Variants in DOCK3 observed in about 807,000 individuals in gnomAD.
DOCK3 encodes the protein dedicator of cytokinesis 3.
DOCK3 carries 60 observed loss-of-function variants against 265.6 expected under a neutral mutation model. That is an observed-to-expected ratio of 0.23 (90% CI 0.18 to 0.28). DOCK3 has a LOEUF of 0.28. Among genes scored for constraint, DOCK3 ranks in the 10% least tolerant of loss-of-function variants. The probability of loss-of-function intolerance (pLI) is 1.00; values close to 1 mark genes in which losing one functional copy is unlikely to be tolerated. For synonymous variants in DOCK3, 881 were observed against 938.0 expected (o/e 0.94, Z 1.11); for missense variants, 1,981 against 2,594.3 (o/e 0.76, Z 5.14).
intron 1 of DOCK3, among the ~76,000 whole-genome samples, chr3:50,748,484 G>C (rs952980809): frequency 6.6e-6 from 1 of 152,174 alleles, no homozygotes; most frequent in East Asian, 1.9e-4. Flanking sequence ...GTCACAGCTG[G>C]GGAAGGAATG....
Position 51,333,026 on chromosome 3 carries a change from A to AGGTAAGACTGCAGTGT in DOCK3, c.3515+6_3515+21dup. The AGGTAAGACTGCAGTGT allele has an allele frequency of 6.2e-7, 1 of 1,613,978 alleles. No individual in the cohort carries two copies. The highest frequency in any genetic ancestry group is 8.5e-7 in the Non-Finnish European group (1 of 1,179,876). On this transcript the variant is annotated stop_gained and frameshift_variant and splice_region_variant, in exon 34 of 53. Coordinates refer to ENST00000266037, the MANE Select transcript of DOCK3 (RefSeq NM_004947.5). LOFTEE classifies it high-confidence loss of function. Reference sequence around the variant, plus strand: ...AACCCAGCTGTTTGGGCCCTACCCCAGGTAAGACTGCAGTGTGGTAAGTCT... The same window carrying AGGTAAGACTGCAGTGT: ...AACCCAGCTGTTTGGGCCCTACCCCAGGTAAGACTGCAGTGTGGTAAGACTGCAGTGTGGTAAGTCT...
chr3:50,859,790 G>A (rs1300416391), intron 3 of DOCK3, among the ~76,000 whole-genome samples: 1 of 152,146 alleles, frequency 6.6e-6, no homozygotes, highest in Non-Finnish European at 1.5e-5. Flanking sequence ...AGGCTCATTG[G>A]TCAGTTGGTA....
Position 51,359,594 on chromosome 3 carries a change from A to G in DOCK3, c.4885-917A>G, listed in dbSNP as rs1038998291. On this transcript the variant is annotated intron_variant, in intron 46 of 52. Coordinates refer to ENST00000266037, the MANE Select transcript of DOCK3 (RefSeq NM_004947.5). This position sits in a 1 kb window ranked among gnomAD's most constrained non-coding sequence, Gnocchi z 4.8. ...GCAAACTTCCCCATCACAGCAGGTG[A>G]CCCAAGCAGGCTGGAGCCTGGCCAG... Among the ~76,000 whole-genome samples, 2 of 152,076 alleles carry G rather than the reference A, an allele frequency of 1.3e-5. No individual in the cohort carries two copies. Among genetic ancestry groups the G allele is most frequent in the African/African-American group, 4.8e-5 (2 of 41,412 alleles).
intron 1 of DOCK3, among the ~76,000 whole-genome samples, chr3:50,698,418 T>G (rs2035778968): frequency 6.6e-6 from 1 of 151,812 alleles, no homozygotes; most frequent in Non-Finnish European, 1.5e-5. Context: ...TTTACCAGAA[T>G]GGATAGTTGG....
At chr3:51,234,964 T>C (rs1188288526) in intron 19 of DOCK3, among the ~76,000 whole-genome samples, 1 of 152,224 alleles carries the variant, frequency 6.6e-6, no homozygotes, top group Non-Finnish European at 1.5e-5. Flanking sequence ...TAATGGAATG[T>C]AGGCTAGAGA....
chr3:50,720,423 G>C (rs1243851743), intron 1 of DOCK3, among the ~76,000 whole-genome samples: 2 of 152,104 alleles, frequency 1.3e-5, no homozygotes, highest in Non-Finnish European at 2.9e-5. Context: ...AGTTCACTTG[G>C]GAAAATGGCC....
intron 48 of DOCK3, among the ~76,000 whole-genome samples, chr3:51,362,323 T>G (rs1392871872): frequency 1.3e-5 from 2 of 152,198 alleles, no homozygotes; most frequent in Non-Finnish European, 2.9e-5. Context: ...CACCGTAGTA[T>G]GGCCAGCCCA....
chr3:50,765,670 G>C (rs1011184007), intron 1 of DOCK3, among the ~76,000 whole-genome samples: 2 of 152,074 alleles, frequency 1.3e-5, no homozygotes, highest in African/African-American at 4.8e-5. Context: ...ATAGGGTACA[G>C]TGTGATGTTT....
At position 51,341,224 on chromosome 3, in the gene DOCK3, T is replaced by C. The variant is rs772397637; in HGVS notation, c.3767-13T>C. On this transcript the variant is annotated splice_polypyrimidine_tract_variant and intron_variant, in intron 37 of 52. Transcript: ENST00000266037. ...GGGAAGCCCCTGGACCTCCATGCTGTCTGTCCCCACAGAGGCCGCATTTAC... is the reference window on the plus strand; with the variant it reads ...GGGAAGCCCCTGGACCTCCATGCTGCCTGTCCCCACAGAGGCCGCATTTAC... 1.9e-6 allele frequency: 3 copies of C among 1,559,204 alleles called. No homozygotes were observed. The highest frequency in any genetic ancestry group is 2.6e-6 in the Non-Finnish European group (3 of 1,151,630).
intron 21 of DOCK3, among the ~76,000 whole-genome samples, chr3:51,245,390 CTTTT>C (rs71084137): frequency 2.8e-5 from 3 of 106,668 alleles, no homozygotes; most frequent in African/African-American, 3.5e-5. Context: ...CATTTTCTTT[CTTTT>C]TTTTTTTTTT....
At position 51,266,293 on chromosome 3, in the gene DOCK3, A is replaced by G. The variant is rs907548645; in HGVS notation, c.2356-4522A>G. ...GAGTCAATGCCATCCCCATCAAGCT[A>G]CCACTGACTTTCTTCACAGAATTAG... On this transcript the variant is annotated intron_variant, in intron 23 of 52. Coordinates refer to ENST00000266037, the MANE Select transcript of DOCK3 (RefSeq NM_004947.5). 4.6e-5 allele frequency among the ~76,000 whole-genome samples: 7 copies of G among 152,196 alleles called. No individual in the cohort carries two copies. In the South Asian group the frequency reaches 1.2e-3, roughly 27 times the overall value.
intron 49 of DOCK3, among the ~76,000 whole-genome samples, chr3:51,373,023 A>C (rs1047400579): frequency 6.6e-6 from 1 of 152,210 alleles, no homozygotes; most frequent in African/African-American, 2.4e-5. Flanking sequence ...GCCAGCCCTG[A>C]GGTTCTACAA....
At chr3:50,782,605 GTA>G (rs376569602) in intron 2 of DOCK3, among the ~76,000 whole-genome samples, 2 of 118,972 alleles carry the variant, frequency 1.7e-5, no homozygotes, top group African/African-American at 6.2e-5. Context: ...GTGTGTGTGT[GTA>G]GCTTTTAAAA....
chr3:51,333,054 T>C (rs184206483), intron 34 of DOCK3, 27 bp downstream of exon 34: 2 of 1,613,958 alleles, frequency 1.2e-6, no homozygotes, highest in Admixed American at 1.7e-5. Flanking sequence ...GTAAGTCTGC[T>C]GTCTCCAGAT....
At chr3:51,148,559 A>T (rs1339272074) in intron 10 of DOCK3, among the ~76,000 whole-genome samples, 26 of 152,212 alleles carry the variant, frequency 1.7e-4, no homozygotes, top group Non-Finnish European at 3.2e-4. Flanking sequence ...TTTTCTACAT[A>T]TGGCTAGCCA....
At chr3:51,283,829 G>T (rs1210313544) in intron 27 of DOCK3, among the ~76,000 whole-genome samples, 1 of 152,080 alleles carries the variant, frequency 6.6e-6, no homozygotes, top group Non-Finnish European at 1.5e-5. Context: ...TAGACTACAT[G>T]AAAAAGGTTG....
At chr3:50,722,622 C>G (rs894366992) in intron 1 of DOCK3, among the ~76,000 whole-genome samples, 3 of 151,998 alleles carry the variant, frequency 2.0e-5, no homozygotes, top group African/African-American at 7.2e-5. Flanking sequence ...AATTAAAAGA[C>G]AAAATAGTCA....
At chr3:50,841,630 G>T in intron 2 of DOCK3, 45 bp from the exon 3 acceptor site, 2 of 924,244 alleles carry the variant, frequency 2.2e-6, no homozygotes, top group South Asian at 2.6e-5. Context: ...GTCTCTTATT[G>T]AACATGACAT....
chr3:51,039,566 T>C (rs963183163), intron 5 of DOCK3, among the ~76,000 whole-genome samples: 2 of 152,214 alleles, frequency 1.3e-5, no homozygotes, highest in Non-Finnish European at 2.9e-5. Context: ...CTTTGCATTT[T>C]TCTGATTAGT....
Sources: allele counts gnomAD v4.1 joint callset (sites outside exome capture counted in the v4.1 genomes callset), GRCh38; gene constraint gnomAD v4.1.1; non-coding constraint Gnocchi (gnomAD v3.1); transcripts MANE v1.5; gene names NCBI Gene and HGNC (gene_info 2026-07-23, HGNC 2026-07-21).